METTL6: variants seen among roughly 807,000 people sequenced by gnomAD.
METTL6 encodes methyltransferase 6, tRNA N3-cytidine.
METTL6 carries 22 observed loss-of-function variants against 26.4 expected under a neutral mutation model. That is an observed-to-expected ratio of 0.83 (90% CI 0.59 to 1.19). The LOEUF (loss-of-function observed/expected upper bound fraction) is 1.19. Among genes scored for constraint, METTL6 ranks in the 50% most tolerant of loss-of-function variants. The pLI is 0.00. For synonymous variants in METTL6, 109 were observed against 116.2 expected, an observed-to-expected ratio of 0.94 and a Z score of 0.40; for missense variants, 304 against 324.8, an observed-to-expected ratio of 0.94 and a Z score of 0.49.
At chr3:15,415,976 G>A (rs1230182188) in intron 3 of METTL6, 34 bp from the exon 4 acceptor site, 1 of 1,574,142 alleles carries the variant, frequency 6.4e-7, no homozygotes, top group Admixed American at 1.8e-5. Flanking sequence ...GAATTTTAAT[G>A]CAACCACTAG....
At chr3:15,405,647 G>A (rs892909853), downstream of METTL6, among the ~76,000 whole-genome samples, 1 of 152,130 alleles carries the variant, frequency 6.6e-6, no homozygotes, top group Non-Finnish European at 1.5e-5. Flanking sequence ...TTCAAATCCC[G>A]AGCCCTTACA....
chr3:15,412,964 G>C lies in METTL6; in HGVS notation c.673+1057C>G, dbSNP rs145438843. 3.9e-5 allele frequency among the ~76,000 whole-genome samples: 6 copies of C among 152,160 alleles called. No individual in the cohort carries two copies. The East Asian group carries it at 1.2e-3, about 29-fold the overall frequency. ...AATGACTTTTTAAATACCTCTTTAGGCTGGGCATGGTGGCTCATACCTGCA... is the reference window on the plus strand; with the variant it reads ...AATGACTTTTTAAATACCTCTTTAGCCTGGGCATGGTGGCTCATACCTGCA... On this transcript the variant is annotated intron_variant, in intron 5 of 5. Transcript: ENST00000383790.
chr3:15,423,074 A>T (rs1362805135), intron 3 of METTL6, among the ~76,000 whole-genome samples: 1 of 152,192 alleles, frequency 6.6e-6, no homozygotes, highest in African/African-American at 2.4e-5. Context: ...GGGGTAGGGC[A>T]AGGGTATTTT....
rs960806545 is a variant in METTL6 at position 15,409,875 on chromosome 3, A to T, written c.*1381T>A. Among the ~76,000 whole-genome samples the T allele has an allele frequency of 6.6e-6, 1 of 152,222 alleles. No homozygotes were observed. Among genetic ancestry groups the T allele is most frequent in the Non-Finnish European group, 1.5e-5 (1 of 68,040 alleles). ...GCAAATATGACACTCGAAAAAGAAG[A>T]AAACAGAACACTCCTTTAGGCTAGA... On this transcript the variant is annotated 3_prime_UTR_variant, in exon 6 of 6. Coordinates refer to ENST00000383790, the MANE Select transcript of METTL6 (RefSeq NM_152396.4).
chr3:15,396,389 G>T (rs1002677583), intron 6 of METTL6, among the ~76,000 whole-genome samples: 1 of 152,050 alleles, frequency 6.6e-6, no homozygotes, highest in African/African-American at 2.4e-5. Flanking sequence ...TTAGCCATTC[G>T]TCTAATCTTT....
intron 3 of METTL6, among the ~76,000 whole-genome samples, chr3:15,422,305 G>GAC (rs2061626745): frequency 6.6e-6 from 1 of 151,958 alleles, no homozygotes; most frequent in African/African-American, 2.4e-5. Flanking sequence ...CATCCTGGGT[G>GAC]ACAGAGTGAG....
chr3:15,422,518 G>C (rs961913883), intron 3 of METTL6, among the ~76,000 whole-genome samples: 1 of 151,888 alleles, frequency 6.6e-6, no homozygotes, highest in African/African-American at 2.4e-5. Context: ...CCAGCTGCTT[G>C]AGAGGCAGAG....
At chr3:15,407,015 GT>G (rs1559485977), downstream of METTL6, among the ~76,000 whole-genome samples, 1 of 151,718 alleles carries the variant, frequency 6.6e-6, no homozygotes. Context: ...TTTAAATATT[GT>G]TTTTATTGTT....
chr3:15,419,597 G>A (rs998521804), intron 3 of METTL6, among the ~76,000 whole-genome samples: 1 of 152,110 alleles, frequency 6.6e-6, no homozygotes, highest in African/African-American at 2.4e-5. Flanking sequence ...CAAGAGTTGA[G>A]GCAATACAGA....
intron 6 of METTL6, among the ~76,000 whole-genome samples, chr3:15,391,146 C>A (rs1427719187): frequency 6.6e-6 from 1 of 152,218 alleles, no homozygotes; most frequent in Non-Finnish European, 1.5e-5. Context: ...CCACTTGTAT[C>A]CTTGACAATC....
In METTL6 at chr3:15,410,242, A is replaced by G. The variant is rs920501332; in HGVS notation, c.*1014T>C. Among the ~76,000 whole-genome samples the G allele has an allele frequency of 3.3e-5, 5 of 152,124 alleles. No individual in the cohort carries two copies. The highest frequency in any genetic ancestry group is 1.2e-4 in the African/African-American group (5 of 41,434). ...AGACCCCCAGTGGTTGCCTGAAACC[A>G]AGATGGTACCAAACTCTAAAAAAAA... On this transcript the variant is annotated 3_prime_UTR_variant, in exon 6 of 6. Transcript: ENST00000383790.
At chr3:15,388,389 G>C (rs1699254515) in intron 6 of METTL6, among the ~76,000 whole-genome samples, 1 of 152,200 alleles carries the variant, frequency 6.6e-6, no homozygotes, top group South Asian at 2.1e-4. Context: ...GGGATTACAA[G>C]TGTGAGCCAC....
chr3:15,403,800 C>T (rs1260941135), intron 6 of METTL6, among the ~76,000 whole-genome samples: 1 of 152,138 alleles, frequency 6.6e-6, no homozygotes, highest in African/African-American at 2.4e-5. Flanking sequence ...CAGAGTAGCC[C>T]CAAGGGCTGC....
chr3:15,416,109 T>C (rs1700194710), intron 3 of METTL6, among the ~76,000 whole-genome samples, 167 bp from the exon 4 acceptor site: 1 of 152,226 alleles, frequency 6.6e-6, no homozygotes, highest in Non-Finnish European at 1.5e-5. Context: ...GCATGTAATA[T>C]TCACTACTGC....
At chr3:15,397,769 G>C (rs1699532259) in intron 6 of METTL6, among the ~76,000 whole-genome samples, 1 of 152,134 alleles carries the variant, frequency 6.6e-6, no homozygotes, top group South Asian at 2.1e-4. Flanking sequence ...CCTGAATTCT[G>C]CTAAGGTGTA....
chr3:15,427,069 G>A (rs1462841391), intron 1 of METTL6, among the ~76,000 whole-genome samples: 1 of 152,136 alleles, frequency 6.6e-6, no homozygotes, highest in East Asian at 1.9e-4. Context: ...CGTTTTTTCG[G>A]GGGAAATGAA....
intron 3 of METTL6, among the ~76,000 whole-genome samples, chr3:15,421,110 A>G (rs987462285): frequency 6.6e-6 from 1 of 152,222 alleles, no homozygotes; most frequent in East Asian, 1.9e-4. Context: ...CAGAATCTCC[A>G]TATCTAGAAG....
intron 3 of METTL6, among the ~76,000 whole-genome samples, chr3:15,423,235 A>C (rs1206187045): frequency 6.6e-6 from 1 of 151,992 alleles, no homozygotes; most frequent in Non-Finnish European, 1.5e-5. Flanking sequence ...ATCTCTACTA[A>C]AAATACAAAA....
intron 6 of METTL6, among the ~76,000 whole-genome samples, chr3:15,390,437 T>G (rs923404489): frequency 3.3e-5 from 5 of 151,990 alleles, no homozygotes; most frequent in African/African-American, 7.2e-5. Context: ...CAAAAAAGAA[T>G]AATAATAATA....
Sources: allele counts gnomAD v4.1 joint callset (sites outside exome capture counted in the v4.1 genomes callset), GRCh38; gene constraint gnomAD v4.1.1; transcripts MANE v1.5; gene names NCBI Gene and HGNC (gene_info 2026-07-23, HGNC 2026-07-21).